The following MAML3 variants were observed in gnomAD, a reference collection of about 807,000 sequenced individuals.
The protein encoded by MAML3 is mastermind-like protein 3.
MAML3 carries 27 observed loss-of-function variants against 101.9 expected under a neutral mutation model. That is an observed-to-expected ratio of 0.27 (90% CI 0.20 to 0.37). The LOEUF is 0.37. Ranked by LOEUF, MAML3 falls within the 10% of genes least tolerant of loss-of-function variation. MAML3 has a pLI of 1.00. For missense variants in MAML3, 1,316 were observed against 1,444.9 expected (o/e 0.91, Z 1.45); for synonymous variants, 501 against 555.9 (o/e 0.90, Z 1.39).
At chr4:140,042,669 G>A (rs1406421932) in intron 1 of MAML3, among the ~76,000 whole-genome samples, 5 of 152,012 alleles carry the variant, frequency 3.3e-5, no homozygotes, top group African/African-American at 1.2e-4. Flanking sequence ...AAAGTTAAAA[G>A]TAAGGTTGAT....
intron 1 of MAML3, among the ~76,000 whole-genome samples, chr4:139,966,311 A>G (rs1734129236): frequency 6.6e-6 from 1 of 152,054 alleles, no homozygotes; most frequent in Non-Finnish European, 1.5e-5. Flanking sequence ...TTAACCGAGC[A>G]CCCCACTTAT....
intron 3 of MAML3, among the ~76,000 whole-genome samples, chr4:139,729,330 A>G (rs1728607432): frequency 6.6e-6 from 1 of 152,114 alleles, no homozygotes; most frequent in South Asian, 2.1e-4. Context: ...GTAAATTTGC[A>G]AAATTCTGGC....
chr4:140,147,131 CAAAAAAAAAA>C (rs58459047), intron 1 of MAML3, among the ~76,000 whole-genome samples: 64 of 81,342 alleles, frequency 7.9e-4, no homozygotes, highest in African/African-American at 2.6e-3. Context: ...GACTCCATCT[CAAAAAAAAAA>C]AAAAAAAAAA....
At chr4:140,016,123 A>G (rs1261704810) in intron 1 of MAML3, among the ~76,000 whole-genome samples, 4 of 152,202 alleles carry the variant, frequency 2.6e-5, no homozygotes, top group Non-Finnish European at 5.9e-5. Context: ...ACAAAATATA[A>G]TTTATATTTC....
intron 1 of MAML3, among the ~76,000 whole-genome samples, chr4:140,078,467 G>A (rs1431967820): frequency 2.0e-5 from 3 of 152,094 alleles, no homozygotes; most frequent in South Asian, 2.1e-4. Context: ...TGACACCAGC[G>A]ATGTTGTGGT....
At chr4:140,019,529 G>A (rs1004732659) in intron 1 of MAML3, among the ~76,000 whole-genome samples, 1 of 152,162 alleles carries the variant, frequency 6.6e-6, no homozygotes, top group Admixed American at 6.5e-5. Flanking sequence ...TAGGAAGATG[G>A]GCAGCTCCTC....
intron 1 of MAML3, among the ~76,000 whole-genome samples, chr4:140,078,028 AAAATAAAT>A (rs34269313): frequency 2.0e-5 from 3 of 147,960 alleles, no homozygotes; most frequent in African/African-American, 7.5e-5. Context: ...AATAAATAAA[AAAATAAAT>A]AAATAAATAA....
chr4:139,794,820 G>A (rs1431563368), intron 2 of MAML3, among the ~76,000 whole-genome samples: 1 of 152,220 alleles, frequency 6.6e-6, no homozygotes, highest in Admixed American at 6.5e-5. Context: ...TGTGGAGCTG[G>A]CCAAGATTGT....
At chr4:139,824,778 G>A (rs1731031101) in intron 2 of MAML3, among the ~76,000 whole-genome samples, 1 of 152,106 alleles carries the variant, frequency 6.6e-6, no homozygotes, top group Non-Finnish European at 1.5e-5. Flanking sequence ...TTAAAGAAAA[G>A]GCCCTTCAAG....
At chr4:140,014,022 C>T (rs1353101985) in intron 1 of MAML3, among the ~76,000 whole-genome samples, 1 of 152,188 alleles carries the variant, frequency 6.6e-6, no homozygotes, top group Non-Finnish European at 1.5e-5. Flanking sequence ...TGGGCAAAGC[C>T]AATCGCTGCA....
intron 1 of MAML3, among the ~76,000 whole-genome samples, chr4:140,099,229 T>TCACACA (rs57140878): frequency 0.012 from 1,708 of 147,134 alleles, 27 homozygotes; most frequent in African/African-American, 0.036. Flanking sequence ...TGGAAGTATA[T>TCACACA]CACACACACA....
intron 1 of MAML3, among the ~76,000 whole-genome samples, chr4:139,948,802 C>A (rs776872830): frequency 2.6e-5 from 4 of 152,096 alleles, no homozygotes; most frequent in Non-Finnish European, 5.9e-5. Flanking sequence ...ACAATTAAAC[C>A]TCACAAGATC....
intron 1 of MAML3, among the ~76,000 whole-genome samples, chr4:140,028,858 C>A (rs1044028729): frequency 2.6e-5 from 4 of 152,162 alleles, no homozygotes; most frequent in African/African-American, 4.8e-5. Flanking sequence ...AACTCTGGAA[C>A]CTCTTTGATG....
intron 1 of MAML3, among the ~76,000 whole-genome samples, chr4:139,963,491 G>A (rs996643753): frequency 2.0e-5 from 3 of 152,176 alleles, no homozygotes; most frequent in Admixed American, 6.5e-5. Context: ...TCTTGTCTAC[G>A]TGGCCGACAA....
intron 2 of MAML3, among the ~76,000 whole-genome samples, chr4:139,743,813 T>A (rs1729235529): frequency 6.6e-6 from 1 of 152,214 alleles, no homozygotes; most frequent in South Asian, 2.1e-4. Context: ...ACAAGGCCAA[T>A]CTTGATTTCT....
intron 1 of MAML3, among the ~76,000 whole-genome samples, chr4:140,056,033 G>A (rs907754323): frequency 1.3e-5 from 2 of 152,216 alleles, no homozygotes; most frequent in Admixed American, 1.3e-4. Context: ...TGCAGCAACA[G>A]GGGTGTGTGG....
chr4:139,949,191 T>C (rs1166565281), intron 1 of MAML3, among the ~76,000 whole-genome samples: 1 of 152,072 alleles, frequency 6.6e-6, no homozygotes, highest in Non-Finnish European at 1.5e-5. Context: ...AATTTTTTTG[T>C]ATTTTCCTAG....
chr4:139,742,047 C>T (rs1395212259), intron 2 of MAML3, among the ~76,000 whole-genome samples: 2 of 152,092 alleles, frequency 1.3e-5, no homozygotes, highest in African/African-American at 4.8e-5. Context: ...CTAACACAGC[C>T]CTTGACTCCA....
At chr4:139,744,417 G>A (rs528192790) in intron 2 of MAML3, among the ~76,000 whole-genome samples, 3 of 152,280 alleles carry the variant, frequency 2.0e-5, no homozygotes, top group Admixed American at 6.5e-5. Flanking sequence ...CCACCCCCCA[G>A]GAGCATGGGT....
Sources: allele counts gnomAD v4.1 joint callset (sites outside exome capture counted in the v4.1 genomes callset), GRCh38; gene constraint gnomAD v4.1.1; transcripts MANE v1.5; gene names NCBI Gene and HGNC (gene_info 2026-07-23, HGNC 2026-07-21).